POU2F1: variants seen among roughly 807,000 people sequenced by gnomAD.
POU2F1 encodes the protein POU class 2 homeobox 1.
In POU2F1, 16 loss-of-function variants were observed where a neutral mutation model predicts 84.9. That is an observed-to-expected ratio of 0.19 (90% CI 0.13 to 0.29). POU2F1 has a LOEUF of 0.29. Ranked by LOEUF, POU2F1 falls within the 10% of genes least tolerant of loss-of-function variation. POU2F1 has a pLI of 1.00. For missense variants in POU2F1, 738 were observed against 942.6 expected (o/e 0.78, Z 2.84); for synonymous variants, 368 against 368.3 (o/e 1.00, Z 0.01).
At chr1:167,370,334 G>A in intron 4 of POU2F1, 120 bp downstream of exon 4, 1 of 714,430 alleles carries the variant, frequency 1.4e-6, no homozygotes, top group Non-Finnish European at 2.1e-6. Context: ...CAAAATTAGT[G>A]AATCTCGTGA....
In POU2F1 at chr1:167,374,416, G is replaced by C. The variant is rs141361685; in HGVS notation, c.591+120G>C. The stretch of plus-strand genomic sequence containing the variant: ...GGCCTTAACTGCCTGAGGAGCTCTA[G>C]ATCAGTGAGGTAAGCGGTACCCTTC... On this transcript the variant is annotated intron_variant, in intron 6 of 15. Transcript: ENST00000367866. 2.7e-5 allele frequency: 24 copies of C among 904,920 alleles called. 1 individual carries two copies. The highest frequency in any genetic ancestry group is 3.6e-5 in the Non-Finnish European group (22 of 608,952). The allele number at this position is 904,920 out of a possible 1,614,324, so 56.1% of individuals were successfully genotyped here.
rs185890808 is a variant in POU2F1 at position 167,238,239 on chromosome 1, T to C, written c.61+17281T>C. Among the ~76,000 whole-genome samples, 281 of 152,274 alleles carry C rather than the reference T, an allele frequency of 1.8e-3. 1 individual carries two copies. The highest frequency in any genetic ancestry group is 6.5e-3 in the African/African-American group (270 of 41,552). On this transcript the variant is annotated intron_variant, in intron 1 of 15. Transcript: ENST00000367866. ...TCTCAAGTTGGTTTATAGAGATTTATCAACTGTATGGCAAGAAATGCAAAA... is the reference window on the plus strand; with the variant it reads ...TCTCAAGTTGGTTTATAGAGATTTACCAACTGTATGGCAAGAAATGCAAAA...
chr1:167,280,588 C>G (rs535068891), intron 1 of POU2F1, among the ~76,000 whole-genome samples: 1 of 152,020 alleles, frequency 6.6e-6, no homozygotes, highest in African/African-American at 2.4e-5. Flanking sequence ...TTACATGGCC[C>G]TTTGTGTCAA....
At chr1:167,376,855 G>C (rs1660361889) in intron 7 of POU2F1, among the ~76,000 whole-genome samples, 1 of 152,088 alleles carries the variant, frequency 6.6e-6, no homozygotes, top group African/African-American at 2.4e-5. Flanking sequence ...AAGATTCAGA[G>C]ATAAGTAATT....
rs533030966 is a variant in POU2F1 at position 167,272,114 on chromosome 1, C to A, written c.61+51156C>A. On this transcript the variant is annotated intron_variant, in intron 1 of 15. Transcript: ENST00000367866. ...TCTGACTTTTTACACGACAGGTTTG[C>A]TGTCCACAGAAATAAAAGAATGTCC... Among the ~76,000 whole-genome samples the A allele has an allele frequency of 2.6e-5, 4 of 152,264 alleles. No homozygotes were observed. In the East Asian group the frequency reaches 7.7e-4, roughly 29 times the overall value.
chr1:167,277,741 T>TC (rs935150514), intron 1 of POU2F1, among the ~76,000 whole-genome samples: 1 of 152,198 alleles, frequency 6.6e-6, no homozygotes, highest in Non-Finnish European at 1.5e-5. Context: ...CCGCATGCCA[T>TC]CCTCTGGTGT....
Position 167,414,802 on chromosome 1 carries a change from T to G in POU2F1, c.1991-698T>G, listed in dbSNP as rs1384195946. The G allele has an allele frequency of 4.7e-6, 4 of 849,886 alleles. No individual in the cohort carries two copies. The South Asian group carries it at 1.6e-4, about 34-fold the overall frequency. The allele number at this position is 849,886 out of a possible 1,614,324, so 52.6% of individuals were successfully genotyped here. A position where few individuals can be genotyped will look rare whatever the true frequency, so the allele number is the denominator to read the frequency against. On this transcript the variant is annotated intron_variant, in intron 15 of 15. Transcript: ENST00000367866. ...CAGGAAGTGAGAAATTAATTATACC[T>G]TTTAACTTTATTTGGTGATACATAA...
At chr1:167,385,017 C>A (rs1384198942) in intron 8 of POU2F1, among the ~76,000 whole-genome samples, 1 of 152,024 alleles carries the variant, frequency 6.6e-6, no homozygotes, top group Non-Finnish European at 1.5e-5. Context: ...GATACAAACT[C>A]AATATATAAA....
chr1:167,292,289 C>A (rs1381204534), intron 1 of POU2F1, among the ~76,000 whole-genome samples: 1 of 151,990 alleles, frequency 6.6e-6, no homozygotes, highest in African/African-American at 2.4e-5. Flanking sequence ...ATTTACCCTA[C>A]TTATTGGTGC....
At chr1:167,410,526 TATTA>T (rs1557968025) in intron 13 of POU2F1, among the ~76,000 whole-genome samples, 7 of 128,450 alleles carry the variant, frequency 5.4e-5, no homozygotes, top group African/African-American at 9.8e-5. Context: ...TTATTATTAT[TATTA>T]TTTTTAACGG....
At chr1:167,284,153 G>C (rs1448153952) in intron 1 of POU2F1, among the ~76,000 whole-genome samples, 4 of 152,068 alleles carry the variant, frequency 2.6e-5, no homozygotes, top group Non-Finnish European at 4.4e-5. Context: ...TCAACTTTCT[G>C]TCTGCTCTAA....
chr1:167,250,281 GGTT>G (rs1650625509), intron 1 of POU2F1, among the ~76,000 whole-genome samples: 1 of 152,108 alleles, frequency 6.6e-6, no homozygotes, highest in Non-Finnish European at 1.5e-5. Context: ...TTAGAATTCT[GGTT>G]GTTAGAATTG....
intron 7 of POU2F1, among the ~76,000 whole-genome samples, chr1:167,382,357 A>G (rs951926693): frequency 2.6e-5 from 4 of 152,194 alleles, no homozygotes; most frequent in Non-Finnish European, 4.4e-5. Flanking sequence ...TCTGAAGACA[A>G]GAGTCTTGTA....
intron 13 of POU2F1, among the ~76,000 whole-genome samples, chr1:167,404,555 G>A (rs1007708182): frequency 2.6e-5 from 4 of 152,138 alleles, no homozygotes; most frequent in Non-Finnish European, 4.4e-5. Flanking sequence ...GCGTTCCATA[G>A]TCAGATTTTA....
At chr1:167,307,702 CA>C (rs1162898772) in intron 1 of POU2F1, among the ~76,000 whole-genome samples, 1 of 152,130 alleles carries the variant, frequency 6.6e-6, no homozygotes, top group African/African-American at 2.4e-5. Flanking sequence ...ACAATACAAA[CA>C]TAAAACTCAG....
In POU2F1 at chr1:167,415,886, G is replaced by T; in HGVS notation, c.*76G>T. On this transcript the variant is annotated 3_prime_UTR_variant, in exon 16 of 16. Coordinates refer to ENST00000367866, the MANE Select transcript of POU2F1 (RefSeq NM_002697.4). Reference sequence around the variant, plus strand: ...GGACTGCCAGCCAGGTTAATAAACTGAAAAATGTGATTGGCTTCCTCTCGC... The same window carrying T: ...GGACTGCCAGCCAGGTTAATAAACTTAAAAATGTGATTGGCTTCCTCTCGC... 8.3e-7 allele frequency: 1 copy of T among 1,208,498 alleles called. No homozygotes were observed. Among genetic ancestry groups the T allele is most frequent in the Non-Finnish European group, 1.1e-6 (1 of 919,832 alleles). 74.9% of individuals were successfully genotyped at this position (1,208,498 alleles called of 1,614,324 possible). A position where few individuals can be genotyped will look rare whatever the true frequency, so the allele number is the denominator to read the frequency against.
At chr1:167,373,821 CT>C (rs796133825) in intron 5 of POU2F1, among the ~76,000 whole-genome samples, 180 of 145,344 alleles carry the variant, frequency 1.2e-3, no homozygotes, top group African/African-American at 2.3e-3. Flanking sequence ...AGTGGTGATT[CT>C]TTTTTTTTTT....
chr1:167,397,939 A>G, intron 10 of POU2F1, 55 bp from the exon 11 acceptor site: 3 of 1,530,628 alleles, frequency 2.0e-6, no homozygotes, highest in Non-Finnish European at 2.7e-6. Context: ...CATATTATGC[A>G]CATGAATCAC....
At chr1:167,409,331 G>C (rs566333342) in intron 13 of POU2F1, among the ~76,000 whole-genome samples, 2 of 152,168 alleles carry the variant, frequency 1.3e-5, no homozygotes, top group Admixed American at 1.3e-4. Context: ...GGAAGTGCCA[G>C]GTACTATATA....
Sources: allele counts gnomAD v4.1 joint callset (sites outside exome capture counted in the v4.1 genomes callset), GRCh38; gene constraint gnomAD v4.1.1; transcripts MANE v1.5; gene names NCBI Gene and HGNC (gene_info 2026-07-23, HGNC 2026-07-21).